The following KTN1 variants were observed in gnomAD, a reference collection of about 807,000 sequenced individuals.
The protein encoded by KTN1 is kinectin.
KTN1 carries 130 observed loss-of-function variants against 222.5 expected under a neutral mutation model. The ratio of observed to expected loss-of-function variants is 0.58; its 90% CI spans 0.51 to 0.68. KTN1 has a LOEUF of 0.68. Among genes scored for constraint, KTN1 ranks in the 30% least tolerant of loss-of-function variants. The probability of loss-of-function intolerance (pLI) is 0.00; values close to 1 mark genes in which losing one functional copy is unlikely to be tolerated. For synonymous variants in KTN1, 512 were observed against 496.3 expected, an observed-to-expected ratio of 1.03 and a Z score of -0.42; for missense variants, 1,508 against 1,500.4, an observed-to-expected ratio of 1.01 and a Z score of -0.08.
At chr14:55,626,634 A>T (rs746001041) in intron 5 of KTN1, among the ~76,000 whole-genome samples, 12 of 151,670 alleles carry the variant, frequency 7.9e-5, no homozygotes, top group Admixed American at 6.6e-4. Flanking sequence ...TCTTCCAATG[A>T]GGGGTGTTTT....
At chr14:55,613,940 C>G (rs1317546923) in intron 2 of KTN1, among the ~76,000 whole-genome samples, 1 of 152,182 alleles carries the variant, frequency 6.6e-6, no homozygotes, top group African/African-American at 2.4e-5. Flanking sequence ...ACTGCTTATG[C>G]TGGGCTGAAA....
intron 43 of KTN1, 146 bp downstream of exon 43, chr14:55,679,831 T>G (rs1595346101): frequency 4.7e-6 from 4 of 845,512 alleles, no homozygotes; most frequent in Non-Finnish European, 7.5e-6. Flanking sequence ...TTAAGCTTTC[T>G]TGGAGCTTTA....
intron 29 of KTN1, among the ~76,000 whole-genome samples, chr14:55,656,701 A>G (rs2043517392): frequency 1.3e-5 from 2 of 152,100 alleles, no homozygotes; most frequent in Admixed American, 6.5e-5. Flanking sequence ...TCCTGACCTC[A>G]GGTGATCCTC....
rs1455605032 is a variant in KTN1, at chr14:55,678,336, ATTG to A, written c.3856-13_3856-11del. The A allele has an allele frequency of 6.7e-7, 1 of 1,488,156 alleles. No individual in the cohort carries two copies. Among genetic ancestry groups the A allele is most frequent in the African/African-American group, 1.4e-5 (1 of 72,314 alleles). The allele number at this position is 1,488,156 out of a possible 1,614,324, so 92.2% of individuals were successfully genotyped here. On this transcript the variant is annotated splice_polypyrimidine_tract_variant and intron_variant, in intron 41 of 43. Coordinates refer to ENST00000395314, the MANE Select transcript of KTN1 (RefSeq NM_001079521.2). ...AACTGTATTACTTAGTAGCTACCAT[ATTG>A]TTTTCCTTATAGGCTCAACAGTCAC... is the stretch of plus-strand genomic sequence containing the variant.
intron 8 of KTN1, among the ~76,000 whole-genome samples, 196 bp from the exon 9 acceptor site, chr14:55,634,330 A>G (rs547733360): frequency 6.6e-6 from 1 of 152,286 alleles, no homozygotes; most frequent in South Asian, 2.1e-4. Flanking sequence ...GTGATTTTAG[A>G]ATTTGAATAA....
intron 1 of KTN1, among the ~76,000 whole-genome samples, chr14:55,588,351 C>G (rs911030433): frequency 6.6e-6 from 1 of 152,090 alleles, no homozygotes; most frequent in African/African-American, 2.4e-5. Flanking sequence ...AGACCTCAGT[C>G]TAAGTACATA....
At chr14:55,648,986 T>C in intron 21 of KTN1, 116 bp downstream of exon 21, 1 of 693,630 alleles carries the variant, frequency 1.4e-6, no homozygotes, top group Non-Finnish European at 2.5e-6. Context: ...AGTGCAGTGG[T>C]ACAATCATAA....
intron 33 of KTN1, among the ~76,000 whole-genome samples, chr14:55,666,366 G>A (rs1252615245): frequency 6.6e-6 from 1 of 151,540 alleles, no homozygotes; most frequent in African/African-American, 2.4e-5. Flanking sequence ...CTTTGTGACT[G>A]TTGTTTTTAG....
Position 55,580,276 on chromosome 14 carries a change from C to T in KTN1, c.-109C>T, listed in dbSNP as rs1473201528. 3 of 156,254 alleles carry T rather than the reference C, an allele frequency of 1.9e-5. No individual in the cohort carries two copies. Among genetic ancestry groups the T allele is most frequent in the Middle Eastern group, 2.9e-3 (1 of 344 alleles). 9.7% of individuals were successfully genotyped at this position (156,254 alleles called of 1,614,324 possible). A position where few individuals can be genotyped will look rare whatever the true frequency, so the allele number is the denominator to read the frequency against. ...ACTGCGGCGGCGGCGGCGGCGGCGGCGGCGCCTCGGAGCGGGCGGCCCGGG... is the reference window on the plus strand; with the variant it reads ...ACTGCGGCGGCGGCGGCGGCGGCGGTGGCGCCTCGGAGCGGGCGGCCCGGG... On this transcript the variant is annotated 5_prime_UTR_variant, in exon 1 of 44. Transcript: ENST00000395314.
chr14:55,669,233 T>C (rs938829615), intron 34 of KTN1, among the ~76,000 whole-genome samples: 1 of 152,096 alleles, frequency 6.6e-6, no homozygotes, highest in African/African-American at 2.4e-5. Context: ...AAATTTTCTT[T>C]TCTAACAGCA....
chr14:55,622,934 A>G (rs1395046535), intron 5 of KTN1, among the ~76,000 whole-genome samples: 1 of 152,080 alleles, frequency 6.6e-6, no homozygotes, highest in East Asian at 1.9e-4. Flanking sequence ...TTCCCTCACC[A>G]AATTTCACCC....
intron 1 of KTN1, among the ~76,000 whole-genome samples, chr14:55,586,401 T>G (rs530767444): frequency 6.6e-6 from 1 of 152,056 alleles, no homozygotes; most frequent in Non-Finnish European, 1.5e-5. Context: ...TGTCAAACTC[T>G]AAATGCTTTA....
chr14:55,613,789 T>TA (rs1428151815), intron 2 of KTN1, among the ~76,000 whole-genome samples: 1 of 152,098 alleles, frequency 6.6e-6, no homozygotes, highest in Non-Finnish European at 1.5e-5. Flanking sequence ...GGATTTTAAA[T>TA]ATTTGCATGT....
intron 42 of KTN1, chr14:55,678,648 CG>C: frequency 2.0e-6 from 1 of 493,614 alleles, no homozygotes; most frequent in Non-Finnish European, 3.7e-6. Context: ...AGGTATGGAG[CG>C]GGGGTCCCCA....
intron 1 of KTN1, among the ~76,000 whole-genome samples, chr14:55,610,185 C>T (rs1375286269): frequency 2.0e-5 from 3 of 152,122 alleles, no homozygotes; most frequent in African/African-American, 4.8e-5. Context: ...GTTGAACAAA[C>T]GACAGTCATT....
intron 34 of KTN1, among the ~76,000 whole-genome samples, chr14:55,669,677 C>T (rs2045270265): frequency 1.3e-5 from 2 of 151,846 alleles, no homozygotes; most frequent in South Asian, 4.1e-4. Context: ...ATGTTGGGTA[C>T]CAATAGTTGA....
intron 1 of KTN1, among the ~76,000 whole-genome samples, chr14:55,593,687 C>CTTTGCAT (rs2034543820): frequency 6.6e-6 from 1 of 151,926 alleles, no homozygotes; most frequent in South Asian, 2.1e-4. Context: ...CGAACACTAG[C>CTTTGCAT]TTTGCATTAA....
At chr14:55,671,927 T>C (rs1365784577) in intron 37 of KTN1, 50 bp downstream of exon 37, 2 of 1,079,790 alleles carry the variant, frequency 1.9e-6, no homozygotes, top group Non-Finnish European at 2.8e-6. Flanking sequence ...GTGTGGGGCT[T>C]GAACCAGCAG....
Position 55,655,017 on chromosome 14 carries a change from TG to T in KTN1, c.2802-1023del, listed in dbSNP as rs2043321987. Among the ~76,000 whole-genome samples the T allele has an allele frequency of 2.6e-5, 4 of 152,260 alleles. No individual in the cohort carries two copies. In the South Asian group the frequency reaches 8.3e-4, roughly 32 times the overall value. On this transcript the variant is annotated intron_variant, in intron 28 of 43. Coordinates refer to ENST00000395314, the MANE Select transcript of KTN1 (RefSeq NM_001079521.2). The stretch of plus-strand genomic sequence containing the variant: ...TTTTTTGGGACAGAGTCTTTCTCTG[TG>T]GCCCAGGCTGGAGTACATGGAGTGC...
Sources: gnomAD v4.1 joint callset for allele counts (sites outside exome capture counted in the v4.1 genomes callset) on GRCh38, gnomAD v4.1.1 for gene constraint, MANE v1.5 for transcripts, NCBI Gene and HGNC (gene_info 2026-07-23, HGNC 2026-07-21) for gene names.